CTNND2: variants seen among roughly 807,000 people sequenced by gnomAD.
CTNND2 encodes the protein catenin delta-2.
A neutral mutation model predicts 144.4 loss-of-function variants in CTNND2; 22 were observed. The observed-to-expected ratio is 0.15, with a 90% CI of 0.11 to 0.22. The LOEUF (loss-of-function observed/expected upper bound fraction) is 0.22, where lower values mean the gene tolerates loss of function less well. CTNND2 is among the 10% of genes least tolerant of loss of function. The pLI is 1.00. For synonymous variants in CTNND2, 751 were observed against 695.6 expected (o/e 1.08, Z -1.25); for missense variants, 1,353 against 1,618.8 (o/e 0.84, Z 2.82).
intron 1 of CTNND2, among the ~76,000 whole-genome samples, chr5:11,801,597 T>C (rs1231092810): frequency 1.3e-5 from 2 of 152,252 alleles, no homozygotes; most frequent in African/African-American, 4.8e-5. Context: ...CCTCCAGGTA[T>C]GTAATTGGGA....
chr5:11,720,065 T>C (rs553475996), intron 2 of CTNND2, among the ~76,000 whole-genome samples: 1 of 152,284 alleles, frequency 6.6e-6, no homozygotes, highest in South Asian at 2.1e-4. Flanking sequence ...CGATGGTACA[T>C]CTCTGTGCTG....
intron 3 of CTNND2, among the ~76,000 whole-genome samples, chr5:11,423,549 G>A (rs954174017): frequency 2.0e-5 from 3 of 152,190 alleles, no homozygotes; most frequent in Non-Finnish European, 2.9e-5. Context: ...TAATTTTGGA[G>A]ACCTCTCTGA....
At chr5:11,831,055 T>C (rs542816084) in intron 1 of CTNND2, among the ~76,000 whole-genome samples, 472 of 152,224 alleles carry the variant, frequency 3.1e-3, no homozygotes, top group Middle Eastern at 0.01. Flanking sequence ...TATGTTTGTG[T>C]GTGTGTGTTT....
In CTNND2 at chr5:11,536,652, A is replaced by G. The variant is rs569653171; in HGVS notation, c.287+28292T>C. ...GGAAAACCAAACATTGTATGTTCTC[A>G]CTTGCAAGTTGGAGTTAAGCTATGA... On this transcript the variant is annotated intron_variant, in intron 3 of 21. Coordinates refer to ENST00000304623, the MANE Select transcript of CTNND2 (RefSeq NM_001332.4). Among the ~76,000 whole-genome samples, 6 of 152,122 alleles carry G rather than the reference A, an allele frequency of 3.9e-5. No homozygotes were observed. In the East Asian group the frequency reaches 1.2e-3, roughly 29 times the overall value.
intron 1 of CTNND2, among the ~76,000 whole-genome samples, chr5:11,832,889 G>T (rs775429395): frequency 2.6e-5 from 4 of 151,958 alleles, no homozygotes; most frequent in Non-Finnish European, 4.4e-5. Context: ...TGCTGTGAGC[G>T]GTGATTGTGC....
intron 9 of CTNND2, among the ~76,000 whole-genome samples, chr5:11,240,122 A>ACC (rs552250334): frequency 1.3e-5 from 2 of 148,408 alleles, no homozygotes; most frequent in African/African-American, 5.0e-5. Flanking sequence ...ACACACACAC[A>ACC]CCCCCAACAC....
At chr5:11,826,789 TCTATATA>T (rs1244797640) in intron 1 of CTNND2, among the ~76,000 whole-genome samples, 1 of 151,932 alleles carries the variant, frequency 6.6e-6, no homozygotes, top group Non-Finnish European at 1.5e-5. Flanking sequence ...AAGAATCCAA[TCTATATA>T]TTCATACAAC....
chr5:11,849,957 T>C (rs926281420), intron 1 of CTNND2, among the ~76,000 whole-genome samples: 11 of 152,044 alleles, frequency 7.2e-5, no homozygotes, highest in African/African-American at 1.2e-4. Flanking sequence ...GGCCATAAGA[T>C]AGGAGGTTTA....
chr5:11,783,204 G>A (rs1033749163), intron 1 of CTNND2, among the ~76,000 whole-genome samples: 1 of 152,154 alleles, frequency 6.6e-6, no homozygotes, highest in African/African-American at 2.4e-5. Context: ...CCAAGAGAAT[G>A]CAGGAGAATT....
chr5:11,071,619 C>G (rs963609682), intron 16 of CTNND2, among the ~76,000 whole-genome samples: 2 of 151,174 alleles, frequency 1.3e-5, no homozygotes, highest in Non-Finnish European at 2.9e-5. Context: ...TCATTCACAT[C>G]AGGAAACACT....
intron 2 of CTNND2, among the ~76,000 whole-genome samples, chr5:11,650,489 G>A (rs919345839): frequency 1.3e-5 from 2 of 152,204 alleles, no homozygotes; most frequent in African/African-American, 2.4e-5. Context: ...AAGTGACTTT[G>A]GAACTGGATA....
chr5:11,442,347 C>A (rs1764341515), intron 3 of CTNND2, among the ~76,000 whole-genome samples: 2 of 152,080 alleles, frequency 1.3e-5, no homozygotes, highest in Admixed American at 1.3e-4. Context: ...CTTGTGAATA[C>A]ACCAAAGTTA....
chr5:11,458,642 C>T (rs926741272), intron 3 of CTNND2, among the ~76,000 whole-genome samples: 10 of 152,134 alleles, frequency 6.6e-5, no homozygotes, highest in African/African-American at 1.2e-4. Flanking sequence ...AGAAGTTCTA[C>T]AAGATGTTAA....
chr5:11,646,420 G>C (rs1043883388), intron 2 of CTNND2, among the ~76,000 whole-genome samples: 8 of 152,288 alleles, frequency 5.3e-5, no homozygotes, highest in Non-Finnish European at 8.8e-5. Context: ...TCTGTTTCCA[G>C]TGCCAGAGCC....
chr5:11,056,601 T>C (rs1746374490), intron 16 of CTNND2, among the ~76,000 whole-genome samples: 1 of 152,212 alleles, frequency 6.6e-6, no homozygotes, highest in African/African-American at 2.4e-5. Flanking sequence ...TACAGGCATG[T>C]GTTATTGTGC....
chr5:11,236,578 A>G (rs747146899), intron 10 of CTNND2, 113 bp downstream of exon 10: 39 of 1,187,582 alleles, frequency 3.3e-5, no homozygotes, highest in Non-Finnish European at 4.4e-5. Flanking sequence ...ATATAGATCT[A>G]AATTTTAAAA....
At chr5:11,428,772 T>G (rs746584384) in intron 3 of CTNND2, among the ~76,000 whole-genome samples, 2 of 152,236 alleles carry the variant, frequency 1.3e-5, no homozygotes, top group Non-Finnish European at 2.9e-5. Flanking sequence ...ACACTTTTAT[T>G]CAACTTTCAT....
chr5:11,503,912 G>A (rs1046655378), intron 3 of CTNND2, among the ~76,000 whole-genome samples: 2 of 152,126 alleles, frequency 1.3e-5, no homozygotes, highest in African/African-American at 4.8e-5. Context: ...GATCTTGGGA[G>A]AATGAGCCAT....
chr5:11,639,208 G>A (rs1781866663), intron 2 of CTNND2, among the ~76,000 whole-genome samples: 3 of 152,060 alleles, frequency 2.0e-5, no homozygotes, highest in Admixed American at 2.0e-4. Flanking sequence ...ACAACGTGCA[G>A]GACACCAAGC....
Sources: allele counts gnomAD v4.1 joint callset (sites outside exome capture counted in the v4.1 genomes callset), GRCh38; gene constraint gnomAD v4.1.1; transcripts MANE v1.5; gene names NCBI Gene and HGNC (gene_info 2026-07-23, HGNC 2026-07-21).